Variants in RBFOX1 observed in about 807,000 individuals in gnomAD.
RBFOX1 encodes the protein RNA binding fox-1 homolog 1.
Under a neutral mutation model 57.7 loss-of-function variants are expected in RBFOX1, and 8 were observed. The observed-to-expected ratio is 0.14, with a 90% CI of 0.08 to 0.25. The LOEUF (loss-of-function observed/expected upper bound fraction) is 0.25. Among genes scored for constraint, RBFOX1 ranks in the 10% least tolerant of loss-of-function variants. RBFOX1 has a pLI of 1.00. For synonymous variants in RBFOX1, 326 were observed against 222.4 expected (o/e 1.47, Z -4.15); for missense variants, 611 against 548.5 (o/e 1.11, Z -1.14).
At chr16:7,653,767 G>A (rs1393102357) in intron 11 of RBFOX1, 48 bp from the exon 12 acceptor site, 4 of 1,596,222 alleles carry the variant, frequency 2.5e-6, no homozygotes, top group South Asian at 1.1e-5. Flanking sequence ...AGCAGGGTGT[G>A]CATCTGACAG....
At chr16:7,299,161 C>G (rs2095970462) in intron 4 of RBFOX1, among the ~76,000 whole-genome samples, 1 of 152,190 alleles carries the variant, frequency 6.6e-6, no homozygotes, top group Admixed American at 6.5e-5. Context: ...CTCCCACCAT[C>G]TGTGTTTCAG....
intron 3 of RBFOX1, among the ~76,000 whole-genome samples, chr16:7,004,716 G>A (rs148565079): frequency 1.1e-4 from 16 of 152,318 alleles, no homozygotes; most frequent in African/African-American, 3.6e-4. Context: ...AAGATGTATG[G>A]TGAGCTGGTA....
chr16:6,467,760 C>T (rs2095083371), intron 2 of RBFOX1, among the ~76,000 whole-genome samples: 1 of 152,198 alleles, frequency 6.6e-6, no homozygotes, highest in Non-Finnish European at 1.5e-5. Flanking sequence ...GATTAGACCT[C>T]ATCTGCCATT....
intron 4 of RBFOX1, among the ~76,000 whole-genome samples, chr16:7,376,576 C>A (rs1397364086): frequency 1.3e-5 from 2 of 152,120 alleles, no homozygotes; most frequent in Non-Finnish European, 2.9e-5. Flanking sequence ...GGTTAGACCT[C>A]CAGCTAACTA....
intron 4 of RBFOX1, among the ~76,000 whole-genome samples, chr16:7,066,337 T>G (rs1457700473): frequency 6.6e-6 from 1 of 152,196 alleles, no homozygotes; most frequent in Non-Finnish European, 1.5e-5. Flanking sequence ...ATGCATTTGC[T>G]TTTTAGAAAG....
chr16:5,337,145 C>G (rs2064918433), intron 1 of RBFOX1, among the ~76,000 whole-genome samples: 1 of 152,188 alleles, frequency 6.6e-6, no homozygotes, highest in Non-Finnish European at 1.5e-5. Context: ...GGGATTTAGA[C>G]AGAGCACATG....
chr16:5,742,286 CCCTT>C (rs2052800383), intron 3 of RBFOX1, among the ~76,000 whole-genome samples: 1 of 147,262 alleles, frequency 6.8e-6, no homozygotes. Flanking sequence ...CTCCCTCCCT[CCCTT>C]CCTGCCTCCC....
At chr16:5,827,209 G>C (rs2056090362) in intron 3 of RBFOX1, among the ~76,000 whole-genome samples, 1 of 151,946 alleles carries the variant, frequency 6.6e-6, no homozygotes, top group African/African-American at 2.4e-5. Flanking sequence ...AGACCAGCCT[G>C]GCCAACATGG....
chr16:7,120,838 C>CACACACACACACACACACAGAT (rs1555491048), intron 4 of RBFOX1, among the ~76,000 whole-genome samples: 1 of 141,614 alleles, frequency 7.1e-6, no homozygotes, highest in South Asian at 2.2e-4. Context: ...TATACACACA[C>CACACACACACACACACACAGAT]ACACACACAC....
At chr16:6,005,307 T>A (rs898588035) in intron 4 of RBFOX1, among the ~76,000 whole-genome samples, 2 of 152,328 alleles carry the variant, frequency 1.3e-5, no homozygotes, top group African/African-American at 4.8e-5. Context: ...TCTTGGATAA[T>A]GTTTCATAAG....
intron 3 of RBFOX1, among the ~76,000 whole-genome samples, chr16:6,956,368 G>T (rs1424369473): frequency 1.3e-5 from 2 of 152,208 alleles, no homozygotes; most frequent in Admixed American, 1.3e-4. Flanking sequence ...GAGTTCTTCA[G>T]TGTCAAGACT....
chr16:6,046,910 G>T (rs1052788965), intron 1 of RBFOX1, among the ~76,000 whole-genome samples: 2 of 152,124 alleles, frequency 1.3e-5, no homozygotes, highest in African/African-American at 4.8e-5. Context: ...TAAGCTTGTT[G>T]GTTCCTTGGC....
At chr16:6,235,297 C>T (rs761038250) in intron 1 of RBFOX1, among the ~76,000 whole-genome samples, 1 of 152,084 alleles carries the variant, frequency 6.6e-6, no homozygotes, top group Non-Finnish European at 1.5e-5. Flanking sequence ...TCACAAGGTG[C>T]AATACTTACT....
At chr16:5,791,944 G>A (rs773636280) in intron 3 of RBFOX1, among the ~76,000 whole-genome samples, 16 of 152,280 alleles carry the variant, frequency 1.1e-4, no homozygotes, top group South Asian at 2.1e-4. Context: ...ACTTCTTGGC[G>A]TTGCCTCTGG....
chr16:5,636,975 G>A (rs1032193838), intron 3 of RBFOX1, among the ~76,000 whole-genome samples: 19 of 152,334 alleles, frequency 1.2e-4, no homozygotes, highest in African/African-American at 4.3e-4. Flanking sequence ...TAATCCATAT[G>A]CATTTGTTCT....
At chr16:5,283,482 T>C (rs998426953) in intron 1 of RBFOX1, among the ~76,000 whole-genome samples, 1 of 152,016 alleles carries the variant, frequency 6.6e-6, no homozygotes, top group African/African-American at 2.4e-5. Flanking sequence ...CTGGTTTTAT[T>C]CCAGGAGGGG....
chr16:7,233,387 A>G (rs1478208709), intron 4 of RBFOX1, among the ~76,000 whole-genome samples: 1 of 152,102 alleles, frequency 6.6e-6, no homozygotes, highest in Non-Finnish European at 1.5e-5. Flanking sequence ...AGTCCTGATC[A>G]CCATTTGTAA....
chr16:6,999,169 TTTTTATTTTA>T (rs71408491), intron 3 of RBFOX1, among the ~76,000 whole-genome samples: 33 of 128,032 alleles, frequency 2.6e-4, no homozygotes, highest in African/African-American at 3.2e-4. Flanking sequence ...GAGCCTGGCC[TTTTTATTTTA>T]TTTTATTTTA....
Position 6,124,939 on chromosome 16 carries a change from C to T in RBFOX1, c.-127+104947C>T, listed in dbSNP as rs141463533. 6.8e-4 allele frequency among the ~76,000 whole-genome samples: 103 copies of T among 152,312 alleles called. No individual in the cohort carries two copies. The East Asian group carries it at 0.019, about 28-fold the overall frequency. ...CCATATTTCACAGTGCCTCACCAGC[C>T]TTACCATTTGGTGAAATAGGTCTTT... On this transcript the variant is annotated intron_variant, in intron 1 of 15. Coordinates refer to ENST00000550418, the MANE Select transcript of RBFOX1 (RefSeq NM_018723.4).
Sources: gnomAD v4.1 joint callset for allele counts (sites outside exome capture counted in the v4.1 genomes callset) on GRCh38, gnomAD v4.1.1 for gene constraint, MANE v1.5 for transcripts, NCBI Gene and HGNC (gene_info 2026-07-23, HGNC 2026-07-21) for gene names.